The following SYCP1 variants were observed in gnomAD, a reference collection of about 807,000 sequenced individuals.
SYCP1 encodes the protein cancer/testis antigen 8.
In SYCP1, 64 loss-of-function variants were observed where a neutral mutation model predicts 153.1. The observed-to-expected ratio is 0.42, with a 90% CI of 0.34 to 0.51. The LOEUF is 0.51. SYCP1 is among the 20% of genes least tolerant of loss of function. The pLI is 0.06. For synonymous variants in SYCP1, 384 were observed against 341.8 expected (o/e 1.12, Z -1.36); for missense variants, 997 against 1,049.0 (o/e 0.95, Z 0.68).
intron 20 of SYCP1, among the ~76,000 whole-genome samples, chr1:114,917,144 A>T (rs879562052): frequency 1.3e-5 from 2 of 151,994 alleles, no homozygotes; most frequent in Admixed American, 1.3e-4. Context: ...TCCTATCACC[A>T]CTACTCTTCC....
chr1:114,964,344 G>C (rs1193708306), intron 27 of SYCP1, among the ~76,000 whole-genome samples: 4 of 152,132 alleles, frequency 2.6e-5, no homozygotes, highest in Non-Finnish European at 5.9e-5. Flanking sequence ...TCTGATGATA[G>C]TTTCTTTGGC....
chr1:114,944,476 TAAG>T (rs1670566292), intron 24 of SYCP1, 21 bp downstream of exon 24: 1 of 1,337,674 alleles, frequency 7.5e-7, no homozygotes, highest in Non-Finnish European at 1.0e-6. Flanking sequence ...CTTAATGTAT[TAAG>T]AACTTATTAT....
At chr1:114,893,195 T>TAAAAACAAGAAA (rs1170835664) in intron 15 of SYCP1, among the ~76,000 whole-genome samples, 11 of 152,222 alleles carry the variant, frequency 7.2e-5, no homozygotes, top group Non-Finnish European at 1.5e-4. Flanking sequence ...TTCTTGTTTT[T>TAAAAACAAGAAA]AAACTTTCGT....
In SYCP1 at chr1:114,967,827, T is replaced by C. The variant is rs562881904; in HGVS notation, c.2323-9730T>C. On this transcript the variant is annotated intron_variant, in intron 27 of 31. Transcript: ENST00000369522. ...TTTTGCAGTGGCTGGTACCAGTTTT[T>C]CCTTTCCATATTTAGTGCTTCCTTC... Among the ~76,000 whole-genome samples the C allele has an allele frequency of 2.0e-5, 3 of 151,530 alleles. No individual in the cohort carries two copies. The East Asian group carries it at 5.8e-4, about 29-fold the overall frequency.
intron 8 of SYCP1, 28 bp from the exon 9 acceptor site, chr1:114,874,478 A>T: frequency 1.5e-6 from 2 of 1,363,502 alleles, no homozygotes; most frequent in Non-Finnish European, 2.0e-6. Flanking sequence ...TTTAAAATTT[A>T]ATCTTGAAAT....
upstream of SYCP1, among the ~76,000 whole-genome samples, chr1:114,854,187 A>G (rs551521974): frequency 1.6e-4 from 25 of 151,744 alleles, no homozygotes; most frequent in African/African-American, 6.0e-4. Flanking sequence ...TCTGTTGCCC[A>G]GACTGGAGCC....
rs139442002 is a variant in SYCP1, at chr1:114,943,797, G to T, written c.1927-542G>T. Among the ~76,000 whole-genome samples the T allele has an allele frequency of 1.0e-3, 157 of 151,800 alleles. 2 individuals carry two copies. The highest frequency in any genetic ancestry group is 3.7e-3 in the African/African-American group (152 of 41,482). The stretch of plus-strand genomic sequence containing the variant: ...TCCTGTCCCTGCCGTATAACACCTT[G>T]CCAGTATTAATTTAGCCCTAAGATA... On this transcript the variant is annotated intron_variant, in intron 23 of 31. Transcript: ENST00000369522.
intron 8 of SYCP1, among the ~76,000 whole-genome samples, chr1:114,865,554 A>C (rs1157682567): frequency 6.6e-6 from 1 of 152,130 alleles, no homozygotes; most frequent in Non-Finnish European, 1.5e-5. Context: ...TGCTGTACTC[A>C]AGGATAGTTC....
chr1:114,857,108 G>A, intron 3 of SYCP1, 124 bp from the exon 4 acceptor site: 1 of 698,778 alleles, frequency 1.4e-6, no homozygotes, highest in Non-Finnish European at 2.1e-6. Flanking sequence ...TCTAGTCTAG[G>A]CAATAGTGCC....
intron 27 of SYCP1, among the ~76,000 whole-genome samples, chr1:114,951,619 G>T (rs547150438): frequency 1.3e-5 from 2 of 152,160 alleles, no homozygotes; most frequent in South Asian, 4.1e-4. Flanking sequence ...AGATTCACAT[G>T]CAGTTGTAAG....
At chr1:114,961,748 T>C (rs770762013) in intron 27 of SYCP1, among the ~76,000 whole-genome samples, 7 of 152,212 alleles carry the variant, frequency 4.6e-5, no homozygotes, top group Non-Finnish European at 1.0e-4. Context: ...GAGACCTGTT[T>C]TGTGGCCTTT....
At chr1:114,946,919 T>C (rs545161876) in intron 26 of SYCP1, among the ~76,000 whole-genome samples, 1 of 152,158 alleles carries the variant, frequency 6.6e-6, no homozygotes, top group East Asian at 1.9e-4. Flanking sequence ...TTTGTATTAA[T>C]ATTTTTAGTA....
At chr1:114,953,029 C>T (rs1671206501) in intron 27 of SYCP1, among the ~76,000 whole-genome samples, 1 of 152,168 alleles carries the variant, frequency 6.6e-6, no homozygotes, top group African/African-American at 2.4e-5. Context: ...AATGACCTGT[C>T]TTCATATGGT....
rs1159909700 is a variant in SYCP1 at position 114,923,503 on chromosome 1, A to G, written c.1773A>G (p.Lys591=). The change falls in exon 21 of 32, where the codon AAA becomes AAG. Residue 591 remains lysine, a synonymous_variant. Transcript: ENST00000369522. ...EELKQKRDEV[K]CKLDKSEENC... is the part of the protein sequence containing the mutation. ...TAAAACAGAAAAGAGATGAAGTTAAATGTAAATTGGACAAGAGTGAAGAAA... is the reference window on the plus strand; with the variant it reads ...TAAAACAGAAAAGAGATGAAGTTAAGTGTAAATTGGACAAGAGTGAAGAAA... 2.5e-6 allele frequency: 4 copies of G among 1,591,572 alleles called. No homozygotes were observed. Among genetic ancestry groups the G allele is most frequent in the Non-Finnish European group, 3.4e-6 (4 of 1,165,970 alleles).
intron 29 of SYCP1, among the ~76,000 whole-genome samples, chr1:114,982,431 T>G (rs553411832): frequency 1.3e-5 from 2 of 151,968 alleles, no homozygotes; most frequent in South Asian, 4.1e-4. Context: ...TTTTTTTCTA[T>G]TCCATATCAG....
chr1:114,904,477 A>C (rs954991807), intron 16 of SYCP1, among the ~76,000 whole-genome samples: 1 of 152,148 alleles, frequency 6.6e-6, no homozygotes, highest in Non-Finnish European at 1.5e-5. Flanking sequence ...AATTGTGTGA[A>C]ATATATAGAT....
chr1:114,931,917 G>C (rs1482242602), intron 23 of SYCP1, among the ~76,000 whole-genome samples: 1 of 152,068 alleles, frequency 6.6e-6, no homozygotes, highest in East Asian at 1.9e-4. Flanking sequence ...TAAATGTACA[G>C]ACTGTTAATT....
intron 27 of SYCP1, among the ~76,000 whole-genome samples, chr1:114,971,142 G>T (rs1024207569): frequency 1.3e-5 from 2 of 152,128 alleles, no homozygotes; most frequent in African/African-American, 2.4e-5. Context: ...GGTTTCTCAG[G>T]TAATGGGCAG....
chr1:114,947,087 C>G (rs1452615100), intron 26 of SYCP1, among the ~76,000 whole-genome samples, 159 bp from the exon 27 acceptor site: 1 of 152,150 alleles, frequency 6.6e-6, no homozygotes. Context: ...CTATGTTAAG[C>G]TAGCAGCCTT....
Sources: gnomAD v4.1 joint callset for allele counts (sites outside exome capture counted in the v4.1 genomes callset) on GRCh38, gnomAD v4.1.1 for gene constraint, MANE v1.5 for transcripts, NCBI Gene and HGNC (gene_info 2026-07-23, HGNC 2026-07-21) for gene names.